Variants in KCNMB2 observed in about 807,000 individuals in gnomAD.
KCNMB2 encodes the protein potassium calcium-activated channel subfamily M regulatory beta subunit 2.
Under a neutral mutation model 24.5 loss-of-function variants are expected in KCNMB2, and 9 were observed. That is an observed-to-expected ratio of 0.37 (90% CI 0.22 to 0.64). The LOEUF (loss-of-function observed/expected upper bound fraction) is 0.64. KCNMB2 is among the 30% of genes least tolerant of loss of function. The pLI, the probability that KCNMB2 is intolerant of heterozygous loss-of-function variation, is 0.63. For synonymous variants in KCNMB2, 109 were observed against 104.4 expected, an observed-to-expected ratio of 1.04 and a Z score of -0.27; for missense variants, 226 against 284.3, an observed-to-expected ratio of 0.79 and a Z score of 1.47.
intron 1 of KCNMB2, among the ~76,000 whole-genome samples, chr3:178,677,088 A>G (rs12696457): frequency 0.33 from 50,883 of 151,956 alleles, 9,397 homozygotes; most frequent in African/African-American, 0.5. Flanking sequence ...CAATTGAAGC[A>G]AAGTCTTCTT....
At chr3:178,791,191 G>A (rs1221251491) in intron 1 of KCNMB2, among the ~76,000 whole-genome samples, 35 of 152,168 alleles carry the variant, frequency 2.3e-4, no homozygotes, top group Admixed American at 2.2e-3. Context: ...AGAAAATTCA[G>A]CATAGCTGTT....
chr3:178,757,392 ATG>A (rs1553774251), intron 1 of KCNMB2, among the ~76,000 whole-genome samples: 25 of 69,384 alleles, frequency 3.6e-4, no homozygotes, highest in Admixed American at 8.8e-4. Flanking sequence ...ATATATATAT[ATG>A]TATATATATC....
At chr3:178,613,808 T>C (rs1248920759) in intron 1 of KCNMB2, among the ~76,000 whole-genome samples, 1 of 152,168 alleles carries the variant, frequency 6.6e-6, no homozygotes, top group Non-Finnish European at 1.5e-5. Flanking sequence ...TAGTCTTCTT[T>C]GGGTTAAATC....
intron 1 of KCNMB2, among the ~76,000 whole-genome samples, chr3:178,707,124 A>G (rs896893312): frequency 2.0e-5 from 3 of 152,172 alleles, no homozygotes; most frequent in Non-Finnish European, 2.9e-5. Flanking sequence ...ATGAGTGGCA[A>G]GTGATACTTA....
At chr3:178,618,855 T>C (rs1577053184) in intron 1 of KCNMB2, among the ~76,000 whole-genome samples, 1 of 152,218 alleles carries the variant, frequency 6.6e-6, no homozygotes, top group Non-Finnish European at 1.5e-5. Flanking sequence ...GTATGTTCTA[T>C]GTGCCAAGCC....
At chr3:178,842,592 C>T (rs994961108) in intron 4 of KCNMB2, 61 bp from the exon 5 acceptor site, 2 of 1,119,772 alleles carry the variant, frequency 1.8e-6, no homozygotes, top group African/African-American at 1.6e-5. Context: ...TACTCCACCC[C>T]CTCCTAGAGT....
At chr3:178,664,306 A>G (rs1720639949) in intron 1 of KCNMB2, among the ~76,000 whole-genome samples, 1 of 152,164 alleles carries the variant, frequency 6.6e-6, no homozygotes, top group Non-Finnish European at 1.5e-5. Context: ...TTCTCAGTCA[A>G]CAGAGGGAAA....
chr3:178,756,796 C>T (rs914494603), intron 1 of KCNMB2, among the ~76,000 whole-genome samples: 1 of 152,168 alleles, frequency 6.6e-6, no homozygotes, highest in Admixed American at 6.6e-5. Context: ...TTGTGGATTG[C>T]TTAGCATTGG....
chr3:178,628,711 T>C (rs1348293957), intron 1 of KCNMB2, among the ~76,000 whole-genome samples: 2 of 152,154 alleles, frequency 1.3e-5, no homozygotes, highest in Non-Finnish European at 2.9e-5. Context: ...GTGTTTATAT[T>C]AAGGACCACT....
At chr3:178,703,668 T>C (rs1722181906) in intron 1 of KCNMB2, among the ~76,000 whole-genome samples, 1 of 152,190 alleles carries the variant, frequency 6.6e-6, no homozygotes, top group Non-Finnish European at 1.5e-5. Flanking sequence ...ATAGCATAAA[T>C]GAGTCATAAA....
chr3:178,586,534 CTTTCTTTTTTTTTTTTTTTTTTTT>C (rs1717437684), intron 1 of KCNMB2, among the ~76,000 whole-genome samples: 1 of 68,516 alleles, frequency 1.5e-5, no homozygotes, highest in African/African-American at 6.1e-5. Context: ...TTTTTTTTTT[CTTTCTTTTTTTTTTTTTTTTTTTT>C]TTTTTGAGAC....
At chr3:178,686,335 G>A (rs543124385) in intron 1 of KCNMB2, among the ~76,000 whole-genome samples, 1 of 152,308 alleles carries the variant, frequency 6.6e-6, no homozygotes, top group East Asian at 1.9e-4. Context: ...TGGTGATAAA[G>A]TTGGTAGTCA....
At position 178,568,442 on chromosome 3, in the gene KCNMB2, C is replaced by T. The variant is rs138401955; in HGVS notation, c.-68+31731C>T. 2.0e-3 allele frequency among the ~76,000 whole-genome samples: 306 copies of T among 152,246 alleles called. 1 individual carries two copies. Among genetic ancestry groups the T allele is most frequent in the Middle Eastern group, 6.8e-3 (2 of 294 alleles). Reference sequence around the variant, plus strand: ...TTGAAACCACAGACAAAATCTGGATCCCTCCAGATTACACATTCATAAATG... The same window carrying T: ...TTGAAACCACAGACAAAATCTGGATTCCTCCAGATTACACATTCATAAATG... On this transcript the variant is annotated intron_variant, in intron 1 of 4. Coordinates refer to ENST00000452583, the MANE Select transcript of KCNMB2 (RefSeq NM_181361.3).
chr3:178,814,729 G>T (rs9870179), intron 2 of KCNMB2, among the ~76,000 whole-genome samples: 10,760 of 152,196 alleles, frequency 0.071, 472 homozygotes, highest in African/African-American at 0.12. Context: ...GTAATGTTGA[G>T]TACTTTTTCA....
chr3:178,844,145 A>T lies in KCNMB2; in HGVS notation c.*1208A>T, dbSNP rs978290457. 6 of 152,584 alleles carry T rather than the reference A, an allele frequency of 3.9e-5. 1 individual carries two copies. The South Asian group carries it at 8.3e-4, about 21-fold the overall frequency. 9.5% of individuals were successfully genotyped at this position (152,584 alleles called of 1,614,324 possible). ...AAAATACGAGGGATTGATTTTAAAT[A>T]AAAAACATTCCATCTTTCATTTAAT... is the stretch of plus-strand genomic sequence containing the variant. On this transcript the variant is annotated 3_prime_UTR_variant, in exon 5 of 5. Coordinates refer to ENST00000452583, the MANE Select transcript of KCNMB2 (RefSeq NM_181361.3).
intron 1 of KCNMB2, among the ~76,000 whole-genome samples, chr3:178,720,300 G>A (rs1214996759): frequency 6.8e-6 from 1 of 146,704 alleles, no homozygotes; most frequent in Non-Finnish European, 1.5e-5. Flanking sequence ...TCCCTACAAA[G>A]GACATGAACT....
chr3:178,834,744 T>A (rs932273467), intron 4 of KCNMB2, among the ~76,000 whole-genome samples: 2 of 152,102 alleles, frequency 1.3e-5, no homozygotes, highest in East Asian at 3.9e-4. Flanking sequence ...TCTTAGACAT[T>A]TGCTGAAACT....
intron 1 of KCNMB2, among the ~76,000 whole-genome samples, chr3:178,761,457 T>C (rs919466113): frequency 3.3e-5 from 5 of 152,244 alleles, no homozygotes; most frequent in African/African-American, 1.2e-4. Context: ...TTCCTTACAG[T>C]CTATCCACAT....
At chr3:178,760,370 G>GAT (rs10540433) in intron 1 of KCNMB2, among the ~76,000 whole-genome samples, 1 of 82,064 alleles carries the variant, frequency 1.2e-5, no homozygotes, top group Non-Finnish European at 2.6e-5. Flanking sequence ...CCATATCCAA[G>GAT]ATATATATAT....
Sources: gnomAD v4.1 joint callset for allele counts (sites outside exome capture counted in the v4.1 genomes callset) on GRCh38, gnomAD v4.1.1 for gene constraint, MANE v1.5 for transcripts, NCBI Gene and HGNC (gene_info 2026-07-23, HGNC 2026-07-21) for gene names.